The following C1D variants were observed in gnomAD, a reference collection of about 807,000 sequenced individuals.
The protein encoded by C1D is nuclear nucleic acid-binding protein C1D.
A neutral mutation model predicts 17.5 loss-of-function variants in C1D; 10 were observed. The ratio of observed to expected loss-of-function variants is 0.57; its 90% CI spans 0.35 to 0.97. The LOEUF is 0.97. Among genes scored for constraint, C1D ranks in the 50% least tolerant of loss-of-function variants. The pLI is 0.01. For synonymous variants in C1D, 49 were observed against 54.0 expected (o/e 0.91, Z 0.40); for missense variants, 136 against 160.1 (o/e 0.85, Z 0.81).
intron 1 of C1D, among the ~76,000 whole-genome samples, chr2:68,055,381 T>C (rs1204841876): frequency 6.6e-6 from 1 of 151,836 alleles, no homozygotes; most frequent in Admixed American, 6.6e-5. Flanking sequence ...GAGGAACAAA[T>C]TAACACCACA....
intron 1 of C1D, among the ~76,000 whole-genome samples, chr2:68,048,999 C>T (rs1671208894): frequency 1.3e-5 from 2 of 152,008 alleles, no homozygotes. Context: ...GAGTTCGAGA[C>T]CAGCCTGGCC....
intron 1 of C1D, among the ~76,000 whole-genome samples, chr2:68,059,818 TC>T (rs1163729853): frequency 6.6e-6 from 1 of 152,214 alleles, no homozygotes; most frequent in Admixed American, 6.5e-5. Flanking sequence ...TTGTGCCCCT[TC>T]TCTTTTCTGT....
chr2:68,054,443 C>T (rs1671379078), intron 1 of C1D, among the ~76,000 whole-genome samples: 1 of 152,200 alleles, frequency 6.6e-6, no homozygotes, highest in Non-Finnish European at 1.5e-5. Context: ...GCTGAAACTG[C>T]TGTCTACAAG....
At chr2:68,045,423 T>C (rs986216282) in intron 4 of C1D, among the ~76,000 whole-genome samples, 2 of 152,204 alleles carry the variant, frequency 1.3e-5, no homozygotes, top group African/African-American at 4.8e-5. Context: ...TACCAGACCT[T>C]ATATACTGTA....
At chr2:68,047,051 TA>T in intron 2 of C1D, 121 bp downstream of exon 2, 1 of 859,038 alleles carries the variant, frequency 1.2e-6, no homozygotes, top group Non-Finnish European at 1.7e-6. Context: ...CAAACACTAA[TA>T]AAATTGAAAT....
chr2:68,053,113 C>G, intron 1 of C1D: 1 of 1,550,908 alleles, frequency 6.4e-7, no homozygotes, highest in East Asian at 2.4e-5. Flanking sequence ...CCTTGCCCTT[C>G]CACATACTCC....
chr2:68,042,207 T>C lies in C1D; in HGVS notation c.*682A>G, dbSNP rs866717648. The C allele has an allele frequency of 2.6e-5, 4 of 152,596 alleles. No homozygotes were observed. Among genetic ancestry groups the C allele is most frequent in the South Asian group, 2.1e-4 (1 of 4,830 alleles). 9.5% of individuals were successfully genotyped at this position (152,596 alleles called of 1,614,324 possible). ...AAGATAAAAATACACAGGTCAGTTA[T>C]ACAACATTTTCAGCCTTTATTGAGA... On this transcript the variant is annotated 3_prime_UTR_variant, in exon 5 of 5. Coordinates refer to ENST00000410067, the MANE Select transcript of C1D (RefSeq NM_173177.3).
chr2:68,049,982 A>C (rs983183786), intron 1 of C1D, among the ~76,000 whole-genome samples: 3 of 152,236 alleles, frequency 2.0e-5, no homozygotes, highest in Non-Finnish European at 2.9e-5. Flanking sequence ...GCAGTAAAAC[A>C]AATTAAAATA....
chr2:68,046,865 G>A (rs988604503), intron 2 of C1D, among the ~76,000 whole-genome samples: 3 of 152,032 alleles, frequency 2.0e-5, no homozygotes, highest in African/African-American at 7.2e-5. Flanking sequence ...TGTCCTATAG[G>A]GTTTCCAGAA....
At chr2:68,061,829 A>G (rs1671637728) in intron 1 of C1D, among the ~76,000 whole-genome samples, 1 of 152,250 alleles carries the variant, frequency 6.6e-6, no homozygotes, top group African/African-American at 2.4e-5. Flanking sequence ...GAAAAAAATT[A>G]CATTACTTTT....
chr2:68,048,682 T>G (rs147974911), intron 1 of C1D, among the ~76,000 whole-genome samples: 1 of 152,166 alleles, frequency 6.6e-6, no homozygotes, highest in Non-Finnish European at 1.5e-5. Context: ...ATCCAACTAC[T>G]GTGCAACCAG....
chr2:68,061,289 G>A (rs1465260344), intron 1 of C1D, among the ~76,000 whole-genome samples: 1 of 152,194 alleles, frequency 6.6e-6, no homozygotes, highest in Non-Finnish European at 1.5e-5. Flanking sequence ...GTGACTCCAT[G>A]TTAGTGTTGT....
chr2:68,042,847 GAAGAT>G lies in C1D; in HGVS notation c.*37_*41del. 3.2e-6 allele frequency: 1 copy of G among 317,340 alleles called. No homozygotes were observed. Among genetic ancestry groups the G allele is most frequent in the Non-Finnish European group, 5.5e-6 (1 of 182,066 alleles). 19.7% of individuals were successfully genotyped at this position (317,340 alleles called of 1,614,324 possible). On this transcript the variant is annotated 3_prime_UTR_variant, in exon 5 of 5. Coordinates refer to ENST00000410067, the MANE Select transcript of C1D (RefSeq NM_173177.3). Reference sequence around the variant, plus strand: ...ATTTTGCGGGGGGGGGGGGGGGGGGGAAGATGTACTTTTTGAATATGTGTACATCA... The same window carrying G: ...ATTTTGCGGGGGGGGGGGGGGGGGGGGTACTTTTTGAATATGTGTACATCA...
chr2:68,044,995 C>G (rs1487456657), intron 4 of C1D, among the ~76,000 whole-genome samples: 1 of 152,136 alleles, frequency 6.6e-6, no homozygotes, highest in African/African-American at 2.4e-5. Context: ...AAACCAAGAC[C>G]TGCATATCAT....
At chr2:68,047,698 G>A (rs1461375977) in intron 1 of C1D, among the ~76,000 whole-genome samples, 1 of 152,064 alleles carries the variant, frequency 6.6e-6, no homozygotes, top group Non-Finnish European at 1.5e-5. Context: ...TGGGTAGCTG[G>A]GACTACAGGC....
Position 68,054,726 on chromosome 2 carries a change from C to T in C1D, c.-9-7407G>A, listed in dbSNP as rs75036201. ...TCTGTAATTCCAACACTTTGGGAGA[C>T]TGACAGGAGGATCACTTGAGCCCAG... On this transcript the variant is annotated intron_variant, in intron 1 of 4. Transcript: ENST00000410067. Among the ~76,000 whole-genome samples, 1,514 of 151,854 alleles carry T rather than the reference C, an allele frequency of 1.0e-2. 30 individuals are homozygous for T. The highest frequency in any genetic ancestry group is 0.034 in the African/African-American group (1,414 of 41,336).
chr2:68,049,806 C>T (rs1671230953), intron 1 of C1D, among the ~76,000 whole-genome samples: 1 of 152,096 alleles, frequency 6.6e-6, no homozygotes, highest in Non-Finnish European at 1.5e-5. Context: ...AACCCAAATG[C>T]TATAGGAAAT....
In C1D at chr2:68,049,481, T is replaced by C. The variant is rs548748254; in HGVS notation, c.-9-2162A>G. On this transcript the variant is annotated intron_variant, in intron 1 of 4. Coordinates refer to ENST00000410067, the MANE Select transcript of C1D (RefSeq NM_173177.3). ...AATTTGAAAATGTAAATGAAAACAA[T>C]GATGTTCTTGGGAAGATATCAACTA... 3.3e-5 allele frequency among the ~76,000 whole-genome samples: 5 copies of C among 152,290 alleles called. No individual in the cohort carries two copies. The South Asian group carries it at 1.0e-3, about 32-fold the overall frequency.
intron 1 of C1D, among the ~76,000 whole-genome samples, chr2:68,060,797 G>A (rs903045079): frequency 6.6e-6 from 1 of 152,088 alleles, no homozygotes; most frequent in African/African-American, 2.4e-5. Context: ...CCTTTCCATT[G>A]GTTATTTACT....
Sources: allele counts gnomAD v4.1 joint callset (sites outside exome capture counted in the v4.1 genomes callset), GRCh38; gene constraint gnomAD v4.1.1; transcripts MANE v1.5; gene names NCBI Gene and HGNC (gene_info 2026-07-23, HGNC 2026-07-21).